Variants in KIAA0825 observed in about 807,000 individuals in gnomAD.
KIAA0825 encodes the protein KIAA0825, also known as uncharacterized protein KIAA0825.
KIAA0825 carries 119 observed loss-of-function variants against 147.6 expected under a neutral mutation model. The observed-to-expected ratio is 0.81, with a 90% CI of 0.69 to 0.94. The LOEUF (loss-of-function observed/expected upper bound fraction) is 0.94. Ranked by LOEUF, KIAA0825 falls within the 40% of genes least tolerant of loss-of-function variation. The pLI, the probability that KIAA0825 is intolerant of heterozygous loss-of-function variation, is 0.00. For synonymous variants in KIAA0825, 470 were observed against 518.1 expected, an observed-to-expected ratio of 0.91 and a Z score of 1.26; for missense variants, 1,381 against 1,472.7, an observed-to-expected ratio of 0.94 and a Z score of 1.02.
At chr5:94,508,834 C>T (rs1766100373) in intron 5 of KIAA0825, among the ~76,000 whole-genome samples, 1 of 152,166 alleles carries the variant, frequency 6.6e-6, no homozygotes, top group Admixed American at 6.5e-5. Context: ...CTGGTGCTAC[C>T]ACACACAGCC....
At chr5:94,518,985 A>G (rs1767687426) in intron 5 of KIAA0825, among the ~76,000 whole-genome samples, 1 of 152,072 alleles carries the variant, frequency 6.6e-6, no homozygotes, top group Non-Finnish European at 1.5e-5. Context: ...AATTTTAGAA[A>G]ATAAGTACAC....
chr5:94,417,316 C>T lies in KIAA0825; in HGVS notation c.2547G>A (p.Met849Ile). The T allele has an allele frequency of 1.9e-6, 3 of 1,550,116 alleles. No homozygotes were observed. The highest frequency in any genetic ancestry group is 8.7e-7 in the Non-Finnish European group (1 of 1,145,790). Residue 849 changes from methionine (M) to isoleucine (I), a missense_variant, in exon 15 of 21, where the codon ATG becomes ATA. Met to Ile is a conservative substitution (Grantham distance 10, BLOSUM62 1). Coordinates refer to ENST00000682413, the MANE Select transcript of KIAA0825 (RefSeq NM_001145678.3). ...GGTACAATATTTTAAAGATGGCTTC[C>T]ATCAAGCTGGGTCCTTGGTTCAGGT... ...ENNLNQGPSL[M>I]EAIFKILYHC... is the part of the protein sequence containing the mutation.
At chr5:94,287,278 A>T (rs150234431) in intron 20 of KIAA0825, among the ~76,000 whole-genome samples, 27 of 152,252 alleles carry the variant, frequency 1.8e-4, no homozygotes, top group Non-Finnish European at 2.6e-4. Flanking sequence ...ACATAATACA[A>T]ACCAGTCTTT....
chr5:94,504,709 T>C (rs1044603540), intron 5 of KIAA0825, among the ~76,000 whole-genome samples: 3 of 151,862 alleles, frequency 2.0e-5, no homozygotes, highest in Non-Finnish European at 4.4e-5. Flanking sequence ...TAAATCAAAG[T>C]TAACATTTAG....
chr5:94,320,183 A>G (rs1354180129), intron 20 of KIAA0825, among the ~76,000 whole-genome samples: 2 of 151,932 alleles, frequency 1.3e-5, no homozygotes, highest in Non-Finnish European at 2.9e-5. Context: ...TTACTACCTG[A>G]CATTATGTTA....
chr5:94,356,720 G>C (rs1431559405), intron 20 of KIAA0825, among the ~76,000 whole-genome samples: 4 of 120,216 alleles, frequency 3.3e-5, no homozygotes, highest in Non-Finnish European at 5.3e-5. Context: ...GGTTTAACTT[G>C]ATTTCTTTTT....
rs1766518769 is a variant in KIAA0825 at position 94,151,767 on chromosome 5, A to G, written c.*2240T>C. Among the ~76,000 whole-genome samples, 1 of 152,246 alleles carries G rather than the reference A, an allele frequency of 6.6e-6. No individual in the cohort carries two copies. Among genetic ancestry groups the G allele is most frequent in the African/African-American group, 2.4e-5 (1 of 41,468 alleles). ...TAGCTTTAAAAGATGACGTTTAGAT[A>G]TATTAGAAGACAATCCAAATGTGAA... On this transcript the variant is annotated 3_prime_UTR_variant, in exon 21 of 21. Transcript: ENST00000682413.
At chr5:94,477,651 C>G (rs368986313) in intron 6 of KIAA0825, among the ~76,000 whole-genome samples, 1 of 151,826 alleles carries the variant, frequency 6.6e-6, no homozygotes, top group African/African-American at 2.4e-5. Flanking sequence ...TAACTTCAAA[C>G]AAAGAAGAAA....
intron 2 of KIAA0825, among the ~76,000 whole-genome samples, chr5:94,542,971 T>G (rs1584836568): frequency 6.6e-6 from 1 of 151,864 alleles, no homozygotes; most frequent in African/African-American, 2.4e-5. Context: ...TTTGGAGAAC[T>G]GGCCTCATAC....
rs547124177 is a variant in KIAA0825 at position 94,592,770 on chromosome 5, T to C, written c.-152-10187A>G. 5.8e-4 allele frequency: 211 copies of C among 361,880 alleles called. 1 individual carries two copies. The highest frequency in any genetic ancestry group is 9.9e-4 in the Non-Finnish European group (185 of 187,496). The allele number at this position is 361,880 out of a possible 1,614,324, so 22.4% of individuals were successfully genotyped here. A position where few individuals can be genotyped will look rare whatever the true frequency, so the allele number is the denominator to read the frequency against. ...TACCTAAGAAAATTTGTGATGTAAA[T>C]CAAAAAACATCTGTTTGCCTAGACT... is the stretch of plus-strand genomic sequence containing the variant. On this transcript the variant is annotated intron_variant, in intron 1 of 20. Transcript: ENST00000682413.
At chr5:94,544,312 T>G (rs901575828) in intron 2 of KIAA0825, among the ~76,000 whole-genome samples, 2 of 152,192 alleles carry the variant, frequency 1.3e-5, no homozygotes, top group Admixed American at 6.5e-5. Flanking sequence ...AGAAAACATT[T>G]CAAGGAAGCA....
intron 20 of KIAA0825, among the ~76,000 whole-genome samples, chr5:94,335,283 T>A (rs1781688985): frequency 6.6e-6 from 1 of 152,182 alleles, no homozygotes; most frequent in Non-Finnish European, 1.5e-5. Context: ...ATAACATCTT[T>A]ATGATATTCA....
At chr5:94,373,230 C>A (rs1376196039) in intron 20 of KIAA0825, among the ~76,000 whole-genome samples, 1 of 152,190 alleles carries the variant, frequency 6.6e-6, no homozygotes, top group Non-Finnish European at 1.5e-5. Flanking sequence ...CTAAACTGTT[C>A]CAACGTCTGC....
intron 20 of KIAA0825, among the ~76,000 whole-genome samples, chr5:94,335,087 G>A (rs1781670739): frequency 6.6e-6 from 1 of 151,970 alleles, no homozygotes; most frequent in Admixed American, 6.6e-5. Context: ...ATTTTTTTAT[G>A]TGTTTAATAT....
At chr5:94,539,067 A>G (rs1053937481) in intron 2 of KIAA0825, among the ~76,000 whole-genome samples, 2 of 152,222 alleles carry the variant, frequency 1.3e-5, no homozygotes, top group Non-Finnish European at 2.9e-5. Context: ...CAGATCATAA[A>G]GATCCTGCTG....
chr5:94,552,768 A>G (rs1327210749), intron 2 of KIAA0825, among the ~76,000 whole-genome samples: 1 of 152,244 alleles, frequency 6.6e-6, no homozygotes, highest in East Asian at 1.9e-4. Context: ...AGCCAGGAAC[A>G]GAAAGTTAAA....
intron 2 of KIAA0825, among the ~76,000 whole-genome samples, chr5:94,549,953 T>C (rs1023930596): frequency 2.6e-5 from 4 of 151,052 alleles, no homozygotes; most frequent in African/African-American, 9.8e-5. Flanking sequence ...AAGAAAACAA[T>C]AGAAAAGATC....
chr5:94,498,595 A>G (rs1281290927), intron 5 of KIAA0825, among the ~76,000 whole-genome samples: 3 of 152,158 alleles, frequency 2.0e-5, no homozygotes, highest in Admixed American at 6.6e-5. Context: ...TTCTTCTTTT[A>G]ATTAACACCC....
chr5:94,358,863 T>G (rs1744678748), intron 20 of KIAA0825, among the ~76,000 whole-genome samples: 1 of 152,238 alleles, frequency 6.6e-6, no homozygotes, highest in Admixed American at 6.5e-5. Flanking sequence ...GGAAATATTT[T>G]TCTTTATTCT....
Sources: allele counts gnomAD v4.1 joint callset (sites outside exome capture counted in the v4.1 genomes callset), GRCh38; gene constraint gnomAD v4.1.1; transcripts MANE v1.5; gene names NCBI Gene and HGNC (gene_info 2026-07-23, HGNC 2026-07-21).